Variants in NDUFAF7 observed in about 807,000 individuals in gnomAD.
NDUFAF7 encodes NADH:ubiquinone oxidoreductase complex assembly factor 7.
Under a neutral mutation model 47.2 loss-of-function variants are expected in NDUFAF7, and 48 were observed. The ratio of observed to expected loss-of-function variants is 1.02; its 90% CI spans 0.81 to 1.29. NDUFAF7 has a LOEUF of 1.29. Among genes scored for constraint, NDUFAF7 ranks in the 50% most tolerant of loss-of-function variants. The pLI, the probability that NDUFAF7 is intolerant of heterozygous loss-of-function variation, is 0.00. For missense variants in NDUFAF7, 635 were observed against 537.6 expected (o/e 1.18, Z -1.79); for synonymous variants, 217 against 190.0 (o/e 1.14, Z -1.17).
chr2:37,253,528 T>A, downstream of NDUFAF7: 1 of 492,824 alleles, frequency 2.0e-6, no homozygotes, highest in Non-Finnish European at 3.4e-6. Context: ...ATGAGCAATT[T>A]AAAGAAATTT....
chr2:37,249,556 T>TAG (rs200071685), downstream of NDUFAF7, among the ~76,000 whole-genome samples: 283 of 46,056 alleles, frequency 6.1e-3, 6 homozygotes, highest in African/African-American at 0.021. Flanking sequence ...TAGCCTGTGA[T>TAG]AGACACACAC....
chr2:37,259,713 C>A, the NDUFAF7 span: 1 of 1,490,778 alleles, frequency 6.7e-7, no homozygotes, highest in Non-Finnish European at 9.3e-7. Context: ...TTTTCAATGT[C>A]TGGAAAATCA....
chr2:37,257,423 T>C (rs1457155665), downstream of NDUFAF7, among the ~76,000 whole-genome samples: 1 of 151,954 alleles, frequency 6.6e-6, no homozygotes, highest in Non-Finnish European at 1.5e-5. Context: ...CCCAGCACTT[T>C]GGGAGGCCGA....
chr2:37,244,095 G>A, intron 7 of NDUFAF7, 122 bp downstream of exon 7: 1 of 837,718 alleles, frequency 1.2e-6, no homozygotes, highest in Non-Finnish European at 1.9e-6. Flanking sequence ...TAGCATACGA[G>A]GTGCTTTTTA....
the NDUFAF7 span, among the ~76,000 whole-genome samples, chr2:37,258,843 G>T: frequency 6.6e-6 from 1 of 152,210 alleles, no homozygotes; most frequent in South Asian, 2.1e-4. Context: ...CTTGCCATTT[G>T]TCTAAATGTA....
downstream of NDUFAF7, among the ~76,000 whole-genome samples, chr2:37,258,041 T>G (rs1668119845): frequency 6.6e-6 from 1 of 152,184 alleles, no homozygotes; most frequent in Non-Finnish European, 1.5e-5. Context: ...GGCTCAAATC[T>G]GGGGGATTAA....
chr2:37,247,003 C>T (rs1238575569), intron 8 of NDUFAF7, among the ~76,000 whole-genome samples: 1 of 152,118 alleles, frequency 6.6e-6, no homozygotes, highest in African/African-American at 2.4e-5. Context: ...ACCCAGGTGG[C>T]AAGCATAGTA....
chr2:37,234,279 A>C (rs936596205), intron 2 of NDUFAF7, among the ~76,000 whole-genome samples: 1 of 152,008 alleles, frequency 6.6e-6, no homozygotes, highest in African/African-American at 2.4e-5. Flanking sequence ...TTCAATGGAG[A>C]TCGGGTTTTG....
chr2:37,241,835 C>T (rs1666383502), intron 5 of NDUFAF7, 44 bp downstream of exon 5: 1 of 1,548,244 alleles, frequency 6.5e-7, no homozygotes, highest in African/African-American at 1.4e-5. Context: ...TTGATCACAA[C>T]CCTCACAGTA....
In NDUFAF7 at chr2:37,231,692, C is replaced by T. The variant is rs778001541; in HGVS notation, c.-14C>T. ...CCAGCTCCTGGCGGAGCGAGCTAGCCTGCGAATTTCAGCATGAGTGTACTG... is the reference window on the plus strand; with the variant it reads ...CCAGCTCCTGGCGGAGCGAGCTAGCTTGCGAATTTCAGCATGAGTGTACTG... On this transcript the variant is annotated 5_prime_UTR_variant, in exon 1 of 10. Transcript: ENST00000002125. 5.1e-5 allele frequency: 83 copies of T among 1,614,102 alleles called. No homozygotes were observed. Among genetic ancestry groups the T allele is most frequent in the Non-Finnish European group, 6.8e-5 (80 of 1,180,040 alleles).
the NDUFAF7 span, among the ~76,000 whole-genome samples, chr2:37,262,962 C>T: frequency 1.3e-5 from 2 of 150,616 alleles, no homozygotes; most frequent in Admixed American, 1.3e-4. Flanking sequence ...TTAGGATGGC[C>T]ATTTTATTTT....
the NDUFAF7 span, among the ~76,000 whole-genome samples, chr2:37,261,906 A>C: frequency 4.2e-3 from 639 of 152,264 alleles, 17 homozygotes; most frequent in Admixed American, 0.031. Flanking sequence ...TACCTGCACA[A>C]CCATTCCGTT....
At chr2:37,270,351 G>GAAA in the NDUFAF7 span, among the ~76,000 whole-genome samples, 35 of 140,824 alleles carry the variant, frequency 2.5e-4, 1 homozygote, top group South Asian at 6.6e-4. Flanking sequence ...TTGATTTTTG[G>GAAA]AAAAAAAAAA....
At chr2:37,257,509 C>T (rs2148485034), downstream of NDUFAF7, among the ~76,000 whole-genome samples, 1 of 151,616 alleles carries the variant, frequency 6.6e-6, no homozygotes, top group South Asian at 2.1e-4. Flanking sequence ...ACTGAAGATA[C>T]AAAAAAATTA....
the NDUFAF7 span, among the ~76,000 whole-genome samples, chr2:37,266,592 T>A: frequency 6.6e-6 from 1 of 152,122 alleles, no homozygotes; most frequent in Non-Finnish European, 1.5e-5. Context: ...GTTCAAGCGA[T>A]TCTCCTGCCT....
the NDUFAF7 span, chr2:37,260,352 T>A: frequency 3.7e-6 from 6 of 1,611,942 alleles, no homozygotes; most frequent in South Asian, 6.6e-5. Flanking sequence ...CAAACATACA[T>A]TCCAGGTTTA....
chr2:37,249,527 A>T (rs1667278598), downstream of NDUFAF7, among the ~76,000 whole-genome samples: 1 of 149,344 alleles, frequency 6.7e-6, no homozygotes, highest in South Asian at 2.1e-4. Flanking sequence ...CAGTGAGGGG[A>T]GATTGCTCCG....
chr2:37,243,805 A>T, intron 6 of NDUFAF7, 58 bp from the exon 7 acceptor site: 1 of 1,269,640 alleles, frequency 7.9e-7, no homozygotes, highest in Non-Finnish European at 1.1e-6. Context: ...TTTTTGGTAG[A>T]AGCAATGTAG....
the NDUFAF7 span, among the ~76,000 whole-genome samples, chr2:37,263,636 C>T: frequency 7.2e-5 from 11 of 152,036 alleles, no homozygotes; most frequent in African/African-American, 2.7e-4. Flanking sequence ...AATGTGTTTT[C>T]CCTTGAGTTA....
Sources: allele counts gnomAD v4.1 joint callset (sites outside exome capture counted in the v4.1 genomes callset), GRCh38; gene constraint gnomAD v4.1.1; transcripts MANE v1.5; gene names NCBI Gene and HGNC (gene_info 2026-07-23, HGNC 2026-07-21).